The following KLRG1 variants were observed in gnomAD, a reference collection of about 807,000 sequenced individuals.
The protein encoded by KLRG1 is killer cell lectin like receptor G1.
KLRG1 carries 16 observed loss-of-function variants against 21.8 expected under a neutral mutation model. The observed-to-expected ratio is 0.73, with a 90% CI of 0.50 to 1.11. The LOEUF is 1.11. Ranked by LOEUF, KLRG1 falls within the 50% of genes most tolerant of loss-of-function variation. The pLI, the probability that KLRG1 is intolerant of heterozygous loss-of-function variation, is 0.00. For synonymous variants in KLRG1, 69 were observed against 75.9 expected (o/e 0.91, Z 0.47); for missense variants, 173 against 218.3 (o/e 0.79, Z 1.31).
At chr12:9,132,481 G>A in the KLRG1 span, among the ~76,000 whole-genome samples, 1 of 152,194 alleles carries the variant, frequency 6.6e-6, no homozygotes, top group Non-Finnish European at 1.5e-5. Context: ...AAAGAATCTG[G>A]TTTCCATTCT....
intron 3 of KLRG1, among the ~76,000 whole-genome samples, chr12:8,999,851 A>G (rs903008913): frequency 6.6e-6 from 1 of 152,116 alleles, no homozygotes; most frequent in African/African-American, 2.4e-5. Flanking sequence ...CCTGGCCAAC[A>G]TAGTGAAACC....
At chr12:9,151,853 A>G in the KLRG1 span, among the ~76,000 whole-genome samples, 1 of 152,254 alleles carries the variant, frequency 6.6e-6, no homozygotes, top group Non-Finnish European at 1.5e-5. Context: ...AGCCTCTGGC[A>G]TCTTTGATAA....
At chr12:9,161,639 C>T in the KLRG1 span, among the ~76,000 whole-genome samples, 1 of 152,114 alleles carries the variant, frequency 6.6e-6, no homozygotes, top group South Asian at 2.1e-4. Flanking sequence ...TTACTGCCTC[C>T]CTTACACTAT....
intron 3 of KLRG1, among the ~76,000 whole-genome samples, chr12:8,998,322 C>T (rs912523269): frequency 2.0e-5 from 3 of 151,594 alleles, no homozygotes; most frequent in Non-Finnish European, 4.4e-5. Context: ...GAGTGAGACA[C>T]TGTCTCAAAA....
At chr12:8,951,308 C>CAAA (rs11441873) in intron 1 of KLRG1, among the ~76,000 whole-genome samples, 2 of 148,990 alleles carry the variant, frequency 1.3e-5, no homozygotes, top group Non-Finnish European at 3.0e-5. Flanking sequence ...CCCCTTCTTT[C>CAAA]AAAAAAAAAA....
At chr12:9,024,649 C>T in the KLRG1 span, among the ~76,000 whole-genome samples, 1 of 152,086 alleles carries the variant, frequency 6.6e-6, no homozygotes, top group African/African-American at 2.4e-5. Flanking sequence ...AACTCTCCAG[C>T]GATGTATAAA....
chr12:9,192,256 T>C, the KLRG1 span: 5 of 1,613,746 alleles, frequency 3.1e-6, no homozygotes, highest in African/African-American at 1.3e-5. Context: ...TTAGCCATGA[T>C]CTGAAATGAA....
chr12:9,172,951 T>C, the KLRG1 span, among the ~76,000 whole-genome samples: 2 of 152,232 alleles, frequency 1.3e-5, no homozygotes, highest in African/African-American at 4.8e-5. Flanking sequence ...ATTTAGGACC[T>C]GAACTCAACT....
the KLRG1 span, chr12:9,162,764 T>A: frequency 5.8e-6 from 5 of 861,742 alleles, no homozygotes; most frequent in Non-Finnish European, 9.1e-6. Flanking sequence ...ACCATCCTAC[T>A]CTTTTTTTCC....
At chr12:9,157,432 T>G in the KLRG1 span, 1 of 1,343,496 alleles carries the variant, frequency 7.4e-7, no homozygotes, top group East Asian at 2.3e-5. Context: ...ATATTGACAG[T>G]CAGATGTTAT....
intron 2 of KLRG1, among the ~76,000 whole-genome samples, chr12:8,993,685 C>G (rs1055185637): frequency 8.5e-5 from 13 of 152,168 alleles, no homozygotes; most frequent in Non-Finnish European, 1.6e-4. Context: ...TTGGGAATTT[C>G]TAATCCAGGC....
the KLRG1 span, among the ~76,000 whole-genome samples, chr12:9,102,135 T>C: frequency 1.7e-3 from 266 of 152,330 alleles, 2 homozygotes; most frequent in African/African-American, 6.1e-3. Context: ...TGAGAAGACA[T>C]TGGTAGAAAG....
the KLRG1 span, among the ~76,000 whole-genome samples, chr12:9,178,520 T>C: frequency 6.6e-6 from 1 of 152,122 alleles, no homozygotes. Flanking sequence ...GTTCCCCACT[T>C]GATAAGGAAA....
chr12:9,147,661 A>G, the KLRG1 span, among the ~76,000 whole-genome samples: 1 of 152,192 alleles, frequency 6.6e-6, no homozygotes, highest in African/African-American at 2.4e-5. Context: ...CTACTCTGTC[A>G]TCTTGCTGAC....
the KLRG1 span, chr12:9,098,449 T>A: frequency 0.71 from 269,223 of 379,550 alleles, 89,166 homozygotes; most frequent in Admixed American, 0.76. Context: ...TATATATATA[T>A]AATTCCTTAC....
At chr12:9,196,245 T>G in the KLRG1 span, 2 of 886,792 alleles carry the variant, frequency 2.3e-6, no homozygotes, top group Non-Finnish European at 3.5e-6. Context: ...CTGATAACAC[T>G]AACCAAGTGT....
At chr12:9,015,513 G>C (rs1947687690), downstream of KLRG1, among the ~76,000 whole-genome samples, 1 of 152,044 alleles carries the variant, frequency 6.6e-6, no homozygotes, top group Non-Finnish European at 1.5e-5. Context: ...GATATATAAA[G>C]CAAATATCAG....
the KLRG1 span, chr12:9,079,294 G>A: frequency 2.5e-6 from 4 of 1,613,780 alleles, no homozygotes; most frequent in Admixed American, 3.3e-5. Flanking sequence ...TGCTGTAGGA[G>A]CCATCATAGT....
chr12:9,149,655 C>G, the KLRG1 span: 1 of 1,571,114 alleles, frequency 6.4e-7, no homozygotes, highest in East Asian at 2.2e-5. Context: ...GAACTAGGGA[C>G]CATGCTAAAT....
Sources: allele counts gnomAD v4.1 joint callset (sites outside exome capture counted in the v4.1 genomes callset), GRCh38; gene constraint gnomAD v4.1.1; transcripts MANE v1.5; gene names NCBI Gene and HGNC (gene_info 2026-07-23, HGNC 2026-07-21).